SGCD: variants seen among roughly 807,000 people sequenced by gnomAD.
The protein encoded by SGCD is delta-sarcoglycan.
Under a neutral mutation model 36.6 loss-of-function variants are expected in SGCD, and 18 were observed. The ratio of observed to expected loss-of-function variants is 0.49; its 90% CI spans 0.34 to 0.73. The LOEUF (loss-of-function observed/expected upper bound fraction) is 0.73. Ranked by LOEUF, SGCD falls within the 30% of genes least tolerant of loss-of-function variation. SGCD has a pLI of 0.01. For missense variants in SGCD, 387 were observed against 346.7 expected (o/e 1.12, Z -0.92); for synonymous variants, 133 against 130.6 (o/e 1.02, Z -0.12).
At chr5:156,000,342 C>G (rs745685877) in intron 1 of SGCD, among the ~76,000 whole-genome samples, 4 of 152,068 alleles carry the variant, frequency 2.6e-5, no homozygotes, top group Admixed American at 6.5e-5. Context: ...TTCTGATGAC[C>G]CAAACACAAC....
At chr5:156,745,677 TA>T (rs1026476283) in intron 7 of SGCD, among the ~76,000 whole-genome samples, 2 of 151,448 alleles carry the variant, frequency 1.3e-5, no homozygotes, top group African/African-American at 2.4e-5. Context: ...TTACTATGCA[TA>T]AAAAAACACA....
chr5:155,883,268 G>C (rs1755928668), intron 1 of SGCD, among the ~76,000 whole-genome samples: 1 of 152,136 alleles, frequency 6.6e-6, no homozygotes, highest in Non-Finnish European at 1.5e-5. Context: ...TTCACTGGAG[G>C]AGCAATTTTA....
intron 3 of SGCD, among the ~76,000 whole-genome samples, chr5:156,141,587 A>G (rs1483677075): frequency 1.3e-5 from 2 of 152,216 alleles, no homozygotes; most frequent in African/African-American, 2.4e-5. Flanking sequence ...TGGTAGATCA[A>G]TGCAGTGGTT....
chr5:156,585,140 G>A (rs1482637851), intron 4 of SGCD, among the ~76,000 whole-genome samples: 1 of 152,082 alleles, frequency 6.6e-6, no homozygotes, highest in African/African-American at 2.4e-5. Context: ...GCTACAATGG[G>A]AAAAATGGAC....
chr5:155,850,433 A>G, the SGCD span, among the ~76,000 whole-genome samples: 4 of 152,258 alleles, frequency 2.6e-5, no homozygotes, highest in East Asian at 7.7e-4. Flanking sequence ...AGAGAGAGAG[A>G]GAGGACAAAT....
chr5:156,757,775 G>A lies in SGCD; in HGVS notation c.699+71G>A, dbSNP rs187204080. On this transcript the variant is annotated intron_variant, in intron 8 of 8. Transcript: ENST00000337851. ...AGGCCAACCCTTCCCATAACTGGTT[G>A]ACCTCGGAGTTGGATCCTACAGTGT... The A allele has an allele frequency of 4.2e-4, 655 of 1,547,220 alleles. 3 individuals carry two copies. In the African/African-American group the frequency reaches 8.3e-3, roughly 20 times the overall value.
the SGCD span, among the ~76,000 whole-genome samples, chr5:155,737,314 C>T: frequency 1.3e-5 from 2 of 152,272 alleles, no homozygotes; most frequent in African/African-American, 2.4e-5. Flanking sequence ...TAACACTTAC[C>T]CTTACTATGG....
intron 1 of SGCD, among the ~76,000 whole-genome samples, chr5:156,105,003 T>TG (rs999464192): frequency 6.6e-6 from 1 of 151,726 alleles, no homozygotes; most frequent in Non-Finnish European, 1.5e-5. Flanking sequence ...GTTGTGGGGT[T>TG]GGGGGAGGGA....
At chr5:156,655,436 G>T (rs1763635482) in intron 7 of SGCD, among the ~76,000 whole-genome samples, 1 of 151,944 alleles carries the variant, frequency 6.6e-6, no homozygotes, top group South Asian at 2.1e-4. Flanking sequence ...CTACAGTTTT[G>T]GTTCATTGCC....
the SGCD span, among the ~76,000 whole-genome samples, chr5:155,819,706 C>T: frequency 6.6e-6 from 1 of 152,106 alleles, no homozygotes; most frequent in Non-Finnish European, 1.5e-5. Flanking sequence ...GTTTAATTAC[C>T]ACACAGCACT....
chr5:155,849,233 C>G, the SGCD span, among the ~76,000 whole-genome samples: 662 of 152,206 alleles, frequency 4.3e-3, 2 homozygotes, highest in Non-Finnish European at 5.8e-3. Context: ...TTTTTAGACG[C>G]TAATGTTCGT....
chr5:156,524,088 G>T (rs1757526557), intron 4 of SGCD, among the ~76,000 whole-genome samples: 1 of 87,748 alleles, frequency 1.1e-5, no homozygotes, highest in Non-Finnish European at 2.1e-5. Flanking sequence ...GATAAGTGAG[G>T]TCTTACTATA....
chr5:156,550,328 A>G (rs536216918), intron 4 of SGCD, among the ~76,000 whole-genome samples: 234 of 152,324 alleles, frequency 1.5e-3, no homozygotes, highest in Middle Eastern at 0.01. Context: ...TGGACATTCT[A>G]TAAGAAGGGC....
intron 3 of SGCD, among the ~76,000 whole-genome samples, chr5:156,478,666 C>T (rs576738514): frequency 2.0e-5 from 3 of 152,264 alleles, no homozygotes; most frequent in East Asian, 3.9e-4. Context: ...CTGCAACCTC[C>T]GCCTCATGGT....
At chr5:156,742,621 A>G (rs989608896) in intron 7 of SGCD, among the ~76,000 whole-genome samples, 2 of 152,224 alleles carry the variant, frequency 1.3e-5, no homozygotes, top group African/African-American at 4.8e-5. Flanking sequence ...GATTTACTAT[A>G]AGAAATTGAC....
chr5:156,222,996 A>T (rs1764756769), intron 3 of SGCD, among the ~76,000 whole-genome samples: 2 of 152,000 alleles, frequency 1.3e-5, no homozygotes, highest in South Asian at 4.1e-4. Flanking sequence ...CCCCCTACCC[A>T]CCCAACAACC....
intron 3 of SGCD, among the ~76,000 whole-genome samples, chr5:156,200,208 A>G (rs1336915862): frequency 1.3e-5 from 2 of 152,170 alleles, no homozygotes; most frequent in East Asian, 3.9e-4. Context: ...CTGAATAGCC[A>G]AAACAATCTA....
At chr5:156,224,175 G>A (rs1309363522) in intron 3 of SGCD, among the ~76,000 whole-genome samples, 2 of 151,872 alleles carry the variant, frequency 1.3e-5, no homozygotes, top group African/African-American at 4.8e-5. Context: ...CAACATTGAG[G>A]TGCAGGGAGA....
At chr5:155,851,741 A>T in the SGCD span, among the ~76,000 whole-genome samples, 4 of 152,088 alleles carry the variant, frequency 2.6e-5, no homozygotes, top group African/African-American at 9.7e-5. Context: ...CCTAGAATCC[A>T]TTCCTCCTCT....
Sources: gnomAD v4.1 joint callset for allele counts (sites outside exome capture counted in the v4.1 genomes callset) on GRCh38, gnomAD v4.1.1 for gene constraint, MANE v1.5 for transcripts, NCBI Gene and HGNC (gene_info 2026-07-23, HGNC 2026-07-21) for gene names.